LRP1B: variants seen among roughly 807,000 people sequenced by gnomAD.
LRP1B encodes the protein LDL receptor related protein 1B.
LRP1B carries 217 observed loss-of-function variants against 556.6 expected under a neutral mutation model. The ratio of observed to expected loss-of-function variants is 0.39; its 90% CI spans 0.35 to 0.44. The LOEUF (loss-of-function observed/expected upper bound fraction) is 0.44, where lower values mean the gene tolerates loss of function less well. LRP1B is among the 20% of genes least tolerant of loss of function. The pLI is 1.00. For missense variants in LRP1B, 5,053 were observed against 5,620.8 expected, an observed-to-expected ratio of 0.90 and a Z score of 3.23; for synonymous variants, 2,047 against 1,865.8, an observed-to-expected ratio of 1.10 and a Z score of -2.50.
Position 140,672,615 on chromosome 2 carries a change from C to T in LRP1B, c.6799+27635G>A, listed in dbSNP as rs534329325. On this transcript the variant is annotated intron_variant, in intron 41 of 90. Transcript: ENST00000389484. The stretch of plus-strand genomic sequence containing the variant: ...AAATATCTGCCTTCTCTACCTTTCA[C>T]TCTTCCCTCTGAATTATTCTTCCTT... 3.9e-4 allele frequency among the ~76,000 whole-genome samples: 60 copies of T among 151,986 alleles called. 1 individual carries two copies. In the South Asian group the frequency reaches 6.7e-3, roughly 17 times the overall value.
chr2:140,536,554 A>G (rs2105002912), intron 46 of LRP1B, 27 bp downstream of exon 46: 1 of 1,588,920 alleles, frequency 6.3e-7, no homozygotes, highest in African/African-American at 1.4e-5. Context: ...TTTATCTGAA[A>G]CGAGCAAACC....
intron 31 of LRP1B, among the ~76,000 whole-genome samples, chr2:140,817,217 G>C (rs1691154013): frequency 6.6e-6 from 1 of 152,000 alleles, no homozygotes; most frequent in African/African-American, 2.4e-5. Flanking sequence ...TGTATCAATT[G>C]TAATACAGTC....
At chr2:140,377,485 T>C (rs1406962849) in intron 68 of LRP1B, among the ~76,000 whole-genome samples, 3 of 152,204 alleles carry the variant, frequency 2.0e-5, no homozygotes, top group Non-Finnish European at 2.9e-5. Context: ...TGGGGTCCTT[T>C]TAGATTTGAT....
chr2:141,960,926 A>G (rs2105054301), intron 1 of LRP1B, among the ~76,000 whole-genome samples: 1 of 151,952 alleles, frequency 6.6e-6, no homozygotes, highest in East Asian at 1.9e-4. Context: ...AATGGAATAG[A>G]TCTTTTAACA....
intron 84 of LRP1B, among the ~76,000 whole-genome samples, chr2:140,287,677 T>TGTG (rs986255917): frequency 9.2e-5 from 14 of 151,538 alleles, no homozygotes; most frequent in African/African-American, 3.4e-4. Flanking sequence ...ATGTAGTCAC[T>TGTG]TGACCTTTGA....
At chr2:140,784,376 C>CA (rs1689816913) in intron 32 of LRP1B, among the ~76,000 whole-genome samples, 35 of 126,690 alleles carry the variant, frequency 2.8e-4, no homozygotes, top group African/African-American at 9.9e-4. Context: ...GATTCTGCCT[C>CA]CACACACACA....
In LRP1B at chr2:141,639,331, T is replaced by C. The variant is rs1205071071; in HGVS notation, c.206-158798A>G. On this transcript the variant is annotated intron_variant, in intron 2 of 90. Transcript: ENST00000389484. ...ATATATATATATATATATATATATA[T>C]ATATATATATATATATATACACACA... 1.3e-4 allele frequency among the ~76,000 whole-genome samples: 3 copies of C among 23,664 alleles called. 1 individual carries two copies. The highest frequency in any genetic ancestry group is 1.9e-4 in the Non-Finnish European group (2 of 10,450). The allele number at this position is 23,664 out of a possible 152,430, so 15.5% of individuals were successfully genotyped here.
rs551555803 is a variant in LRP1B at position 140,306,462 on chromosome 2, T to G, written c.12805+8473A>C. On this transcript the variant is annotated intron_variant, in intron 83 of 90. Coordinates refer to ENST00000389484, the MANE Select transcript of LRP1B (RefSeq NM_018557.3). ...GCATAGAGGTGTTTATAGTATTCTCTGATGGTAGTTTGTATTTCTGTGGGA... is the reference window on the plus strand; with the variant it reads ...GCATAGAGGTGTTTATAGTATTCTCGGATGGTAGTTTGTATTTCTGTGGGA... Among the ~76,000 whole-genome samples, 7 of 152,282 alleles carry G rather than the reference T, an allele frequency of 4.6e-5. No homozygotes were observed. In the East Asian group the frequency reaches 1.4e-3, roughly 29 times the overall value.
In LRP1B at chr2:141,464,064, G is replaced by C. The variant is rs1213577742; in HGVS notation, c.343+16332C>G. ...TTGTTAATACTAGAAAAAGTATGCT[G>C]TCCTGGCTGGCGAATCCACACAGGT... On this transcript the variant is annotated intron_variant, in intron 3 of 90. Transcript: ENST00000389484. 2.0e-5 allele frequency among the ~76,000 whole-genome samples: 3 copies of C among 151,806 alleles called. No homozygotes were observed. The South Asian group carries it at 6.2e-4, about 31-fold the overall frequency.
At chr2:140,522,456 T>G (rs1690222366) in intron 49 of LRP1B, among the ~76,000 whole-genome samples, 1 of 151,734 alleles carries the variant, frequency 6.6e-6, no homozygotes, top group Non-Finnish European at 1.5e-5. Flanking sequence ...TAGTACTAAA[T>G]GTCCACATCA....
intron 28 of LRP1B, 139 bp downstream of exon 28, chr2:140,851,513 T>C: frequency 4.8e-6 from 4 of 829,098 alleles, no homozygotes; most frequent in East Asian, 2.8e-5. Context: ...TGGATGGAAA[T>C]AGCACCACCA....
At chr2:142,012,119 C>CTTCA (rs1702976895) in intron 1 of LRP1B, among the ~76,000 whole-genome samples, 1 of 152,058 alleles carries the variant, frequency 6.6e-6, no homozygotes, top group Admixed American at 6.5e-5. Context: ...TCATTATCGT[C>CTTCA]TTCATCTCTT....
intron 15 of LRP1B, 80 bp downstream of exon 15, chr2:141,005,255 T>C (rs1697538058): frequency 7.4e-6 from 11 of 1,477,592 alleles, no homozygotes; most frequent in Non-Finnish European, 1.0e-5. Flanking sequence ...AAGTGTCATT[T>C]TAATTCCTTT....
chr2:140,645,568 C>G (rs1574185811), intron 41 of LRP1B, among the ~76,000 whole-genome samples: 1 of 103,380 alleles, frequency 9.7e-6, no homozygotes. Context: ...GAGATGGAGT[C>G]TTGCTCTGTC....
chr2:140,275,528 T>C (rs1682634709), intron 84 of LRP1B, among the ~76,000 whole-genome samples: 1 of 151,976 alleles, frequency 6.6e-6, no homozygotes, highest in African/African-American at 2.4e-5. Flanking sequence ...CACCAGACTT[T>C]AGTGTTGTGG....
chr2:140,338,284 GA>G (rs1681200270), intron 77 of LRP1B, among the ~76,000 whole-genome samples: 1 of 151,712 alleles, frequency 6.6e-6, no homozygotes, highest in African/African-American at 2.4e-5. Context: ...GATTCTCAGA[GA>G]ATAATGGCAG....
At chr2:141,521,113 T>C (rs937160072) in intron 2 of LRP1B, among the ~76,000 whole-genome samples, 2 of 152,148 alleles carry the variant, frequency 1.3e-5, no homozygotes, top group African/African-American at 4.8e-5. Flanking sequence ...ATAAGCATCA[T>C]TTCTGTGCTG....
intron 2 of LRP1B, among the ~76,000 whole-genome samples, chr2:141,727,410 G>A (rs953536190): frequency 3.9e-5 from 6 of 152,078 alleles, no homozygotes; most frequent in African/African-American, 1.2e-4. Context: ...ACACTGTGCT[G>A]CAGCAATATG....
intron 29 of LRP1B, among the ~76,000 whole-genome samples, chr2:140,844,210 C>T (rs768704560): frequency 4.0e-5 from 6 of 151,794 alleles, no homozygotes; most frequent in East Asian, 1.9e-4. Flanking sequence ...TACAGGCATG[C>T]GCCACCACGC....
Sources: gnomAD v4.1 joint callset for allele counts (sites outside exome capture counted in the v4.1 genomes callset) on GRCh38, gnomAD v4.1.1 for gene constraint, MANE v1.5 for transcripts, NCBI Gene and HGNC (gene_info 2026-07-23, HGNC 2026-07-21) for gene names.